SLC24A2: variants seen among roughly 807,000 people sequenced by gnomAD.
SLC24A2 encodes solute carrier family 24 member 2.
A neutral mutation model predicts 62.0 loss-of-function variants in SLC24A2; 36 were observed. The ratio of observed to expected loss-of-function variants is 0.58; its 90% confidence interval spans 0.44 to 0.77. The LOEUF is 0.77. SLC24A2 is among the 30% of genes least tolerant of loss of function. The probability of loss-of-function intolerance (pLI) is 0.00; values close to 1 mark genes in which losing one functional copy is unlikely to be tolerated. For synonymous variants in SLC24A2, 358 were observed against 294.0 expected (o/e 1.22, Z -2.23); for missense variants, 846 against 817.9 (o/e 1.03, Z -0.42).
the SLC24A2 span, among the ~76,000 whole-genome samples, chr9:19,885,918 G>C: frequency 1.3e-5 from 2 of 152,120 alleles, no homozygotes; most frequent in Non-Finnish European, 2.9e-5. Context: ...TTGCCGTAAA[G>C]GACACAATCT....
In SLC24A2 at chr9:19,619,137, A is replaced by G. The variant is rs549304457; in HGVS notation, c.1078+447T>C. 5.3e-5 allele frequency among the ~76,000 whole-genome samples: 8 copies of G among 152,328 alleles called. No individual in the cohort carries two copies. The South Asian group carries it at 1.7e-3, about 32-fold the overall frequency. ...ATCAGTACACTCTCAACGTTCTGCC[A>G]TGAACATCACTCCCCAAACCACTCA... On this transcript the variant is annotated intron_variant, in intron 4 of 10. Transcript: ENST00000341998.
chr9:19,778,253 A>T (rs1427182932), intron 2 of SLC24A2, among the ~76,000 whole-genome samples: 2 of 152,236 alleles, frequency 1.3e-5, no homozygotes, highest in Non-Finnish European at 2.9e-5. Flanking sequence ...GGAATAAGGG[A>T]TTCTTAGAAC....
the SLC24A2 span, among the ~76,000 whole-genome samples, chr9:19,885,365 G>T: frequency 6.6e-6 from 1 of 152,296 alleles, no homozygotes; most frequent in South Asian, 2.1e-4. Context: ...AGAAACACTA[G>T]ATGTTCACAT....
At chr9:19,818,160 A>G in the SLC24A2 span, among the ~76,000 whole-genome samples, 1 of 152,120 alleles carries the variant, frequency 6.6e-6, no homozygotes, top group East Asian at 1.9e-4. Context: ...TGCATTTTAG[A>G]GTCTCCGGCC....
the SLC24A2 span, among the ~76,000 whole-genome samples, chr9:20,053,194 G>C: frequency 4.0e-5 from 6 of 151,854 alleles, no homozygotes; most frequent in African/African-American, 1.5e-4. Flanking sequence ...GTTTTCCTTC[G>C]TTATTCTAAA....
the SLC24A2 span, among the ~76,000 whole-genome samples, chr9:19,946,971 T>A: frequency 6.6e-6 from 1 of 152,204 alleles, no homozygotes; most frequent in African/African-American, 2.4e-5. Flanking sequence ...CAGGGCTAGT[T>A]TGGTTTCTAG....
the SLC24A2 span, among the ~76,000 whole-genome samples, chr9:20,083,851 G>A: frequency 1.3e-5 from 2 of 152,210 alleles, no homozygotes; most frequent in Admixed American, 6.5e-5. Flanking sequence ...TAGGAGTTCA[G>A]GCTCTCATTA....
At chr9:20,085,392 A>AT in the SLC24A2 span, among the ~76,000 whole-genome samples, 6 of 152,200 alleles carry the variant, frequency 3.9e-5, no homozygotes, top group Non-Finnish European at 7.3e-5. Context: ...TTACATTCTA[A>AT]TATGAAGGAT....
chr9:19,587,410 A>G (rs1017276515), intron 5 of SLC24A2, among the ~76,000 whole-genome samples: 2 of 152,156 alleles, frequency 1.3e-5, no homozygotes, highest in Non-Finnish European at 2.9e-5. Context: ...ATTTTCACTT[A>G]ATCTGAGTTC....
chr9:19,603,087 A>G (rs1836884192), intron 4 of SLC24A2, among the ~76,000 whole-genome samples: 1 of 152,140 alleles, frequency 6.6e-6, no homozygotes, highest in Non-Finnish European at 1.5e-5. Context: ...CATCCATGCA[A>G]CAGTTGGAAT....
At chr9:19,659,390 T>C (rs879607141) in intron 2 of SLC24A2, among the ~76,000 whole-genome samples, 1 of 152,192 alleles carries the variant, frequency 6.6e-6, no homozygotes, top group Admixed American at 6.5e-5. Context: ...TGTGGTACTT[T>C]GTTATGGCAG....
At chr9:19,825,792 G>C in the SLC24A2 span, among the ~76,000 whole-genome samples, 1 of 151,944 alleles carries the variant, frequency 6.6e-6, no homozygotes, top group African/African-American at 2.4e-5. Context: ...TTTGCTTGTA[G>C]GGATCATGTT....
chr9:20,066,958 A>G, the SLC24A2 span, among the ~76,000 whole-genome samples: 41 of 152,328 alleles, frequency 2.7e-4, no homozygotes, highest in African/African-American at 9.1e-4. Context: ...AATCATTCAC[A>G]TAATTCCAAC....
chr9:20,267,768 C>T, the SLC24A2 span, among the ~76,000 whole-genome samples: 22 of 152,258 alleles, frequency 1.4e-4, no homozygotes, highest in African/African-American at 5.3e-4. Flanking sequence ...CAAGAGGAAA[C>T]ACAATTTTTT....
the SLC24A2 span, among the ~76,000 whole-genome samples, chr9:19,991,019 C>T: frequency 1.7e-5 from 2 of 117,414 alleles, no homozygotes; most frequent in Non-Finnish European, 1.7e-5. Context: ...TATACATACA[C>T]ACACACATAT....
chr9:19,760,105 A>C (rs1245815609), intron 2 of SLC24A2, among the ~76,000 whole-genome samples: 1 of 152,064 alleles, frequency 6.6e-6, no homozygotes, highest in Non-Finnish European at 1.5e-5. Context: ...TATTTTATTG[A>C]GAAAATAGAA....
At chr9:19,692,616 C>T (rs542998607) in intron 2 of SLC24A2, among the ~76,000 whole-genome samples, 98 of 152,226 alleles carry the variant, frequency 6.4e-4, no homozygotes, top group African/African-American at 2.2e-3. Context: ...AATGGTTTCT[C>T]ATCCTTCCAA....
the SLC24A2 span, among the ~76,000 whole-genome samples, chr9:20,256,410 T>C: frequency 6.6e-6 from 1 of 152,216 alleles, no homozygotes; most frequent in Non-Finnish European, 1.5e-5. Flanking sequence ...GGCTACACAA[T>C]GAAGGCAGAC....
chr9:20,244,484 G>A, the SLC24A2 span, among the ~76,000 whole-genome samples: 5 of 152,162 alleles, frequency 3.3e-5, no homozygotes, highest in East Asian at 1.9e-4. Context: ...AAATGCATGC[G>A]TGCAGCCCTC....
Sources: allele counts gnomAD v4.1 joint callset (sites outside exome capture counted in the v4.1 genomes callset), GRCh38; gene constraint gnomAD v4.1.1; transcripts MANE v1.5; gene names NCBI Gene and HGNC (gene_info 2026-07-23, HGNC 2026-07-21).